The following CNTN3 variants were observed in gnomAD, a reference collection of about 807,000 sequenced individuals.
The protein encoded by CNTN3 is contactin-3.
In CNTN3, 60 loss-of-function variants were observed where a neutral mutation model predicts 119.1. That is an observed-to-expected ratio of 0.50 (90% confidence interval 0.41 to 0.62). The LOEUF is 0.62. Among genes scored for constraint, CNTN3 ranks in the 20% least tolerant of loss-of-function variants. The probability of loss-of-function intolerance (pLI) is 0.00; values close to 1 mark genes in which losing one functional copy is unlikely to be tolerated. For missense variants in CNTN3, 1,101 were observed against 1,242.4 expected (o/e 0.89, Z 1.71); for synonymous variants, 450 against 438.7 (o/e 1.03, Z -0.32).
chr3:74,444,061 A>G (rs992870879), intron 4 of CNTN3, among the ~76,000 whole-genome samples: 8 of 152,186 alleles, frequency 5.3e-5, no homozygotes, highest in African/African-American at 1.9e-4. Context: ...CTTGACTTGT[A>G]GATGCATCAC....
At chr3:74,269,401 G>A (rs1465112338) in intron 20 of CNTN3, among the ~76,000 whole-genome samples, 1 of 151,982 alleles carries the variant, frequency 6.6e-6, no homozygotes, top group African/African-American at 2.4e-5. Flanking sequence ...GGAAATTTTG[G>A]ACCAGAGAAA....
chr3:74,268,975 T>G (rs2106745929), intron 20 of CNTN3, among the ~76,000 whole-genome samples: 1 of 151,418 alleles, frequency 6.6e-6, no homozygotes, highest in East Asian at 1.9e-4. Flanking sequence ...CTGGGGTTTA[T>G]CTTGTATGAG....
chr3:74,611,861 C>T (rs1705087194), intron 1 of CNTN3, among the ~76,000 whole-genome samples: 1 of 152,130 alleles, frequency 6.6e-6, no homozygotes, highest in South Asian at 2.1e-4. Flanking sequence ...CTGGTGGTGA[C>T]AACTAAATCA....
chr3:74,287,264 G>A (rs1409179980), intron 19 of CNTN3, among the ~76,000 whole-genome samples: 1 of 152,090 alleles, frequency 6.6e-6, no homozygotes, highest in Non-Finnish European at 1.5e-5. Context: ...CAGAAACACA[G>A]TTGAGAAATA....
intron 17 of CNTN3, among the ~76,000 whole-genome samples, chr3:74,299,093 G>C (rs1169626688): frequency 6.6e-6 from 1 of 151,968 alleles, no homozygotes; most frequent in African/African-American, 2.4e-5. Flanking sequence ...TGTAATTCTA[G>C]CTATTTGGGG....
intron 1 of CNTN3, among the ~76,000 whole-genome samples, chr3:74,597,613 G>T (rs1446923580): frequency 2.6e-5 from 4 of 151,966 alleles, no homozygotes; most frequent in Non-Finnish European, 4.4e-5. Context: ...ACTGTGGACT[G>T]GGGAGTTTCT....
At chr3:74,489,372 C>T (rs1702919395) in intron 3 of CNTN3, among the ~76,000 whole-genome samples, 1 of 152,060 alleles carries the variant, frequency 6.6e-6, no homozygotes, top group South Asian at 2.1e-4. Context: ...TCATATTCAA[C>T]AACCGATTAG....
chr3:74,550,295 C>T (rs1486740347), intron 1 of CNTN3, among the ~76,000 whole-genome samples: 6 of 152,084 alleles, frequency 3.9e-5, no homozygotes, highest in African/African-American at 1.2e-4. Context: ...ACGAACTGAG[C>T]GACAGTGGCA....
rs1394316004 is a variant in CNTN3 at position 74,533,065 on chromosome 3, C to T, written c.-80-11873G>A. ...GCATTTTCTGGAGAACCATCAGGCT[C>T]GTCTTGGAGGCTCCTTATCAGTGTC... On this transcript the variant is annotated intron_variant, in intron 1 of 22. Coordinates refer to ENST00000263665, the MANE Select transcript of CNTN3 (RefSeq NM_020872.3). 6.6e-5 allele frequency among the ~76,000 whole-genome samples: 10 copies of T among 152,088 alleles called. 1 individual carries two copies. The South Asian group carries it at 1.2e-3, about 19-fold the overall frequency.
At chr3:74,359,538 G>C (rs747739077) in intron 11 of CNTN3, among the ~76,000 whole-genome samples, 6 of 151,654 alleles carry the variant, frequency 4.0e-5, no homozygotes, top group Non-Finnish European at 8.8e-5. Flanking sequence ...TTTGTGCCAC[G>C]AATCTATACT....
At chr3:74,525,815 A>C (rs899975718) in intron 1 of CNTN3, among the ~76,000 whole-genome samples, 1 of 151,862 alleles carries the variant, frequency 6.6e-6, no homozygotes, top group Non-Finnish European at 1.5e-5. Context: ...AAAATGCTCT[A>C]AATAGTTGTG....
chr3:74,364,602 T>A lies in CNTN3; in HGVS notation c.1084-6A>T, dbSNP rs759797768. 6 of 1,596,382 alleles carry A rather than the reference T, an allele frequency of 3.8e-6. No individual in the cohort carries two copies. The highest frequency in any genetic ancestry group is 1.7e-5 in the Admixed American group (1 of 59,358). ...TTTTCTATCTGTGTTCTCTCCTAGA[T>A]GATAATAAAAATATCTTTCATATAA... On this transcript the variant is annotated splice_region_variant and splice_polypyrimidine_tract_variant and intron_variant, in intron 9 of 22. Coordinates refer to ENST00000263665, the MANE Select transcript of CNTN3 (RefSeq NM_020872.3).
At chr3:74,329,801 A>G (rs516250) in intron 13 of CNTN3, among the ~76,000 whole-genome samples, 114,430 of 152,122 alleles carry the variant, frequency 0.75, 43,924 homozygotes, top group African/African-American at 0.92. Flanking sequence ...ATATAGGTAT[A>G]ATAGAACACT....
chr3:74,448,743 A>G (rs1002350578), intron 4 of CNTN3, among the ~76,000 whole-genome samples: 3 of 152,142 alleles, frequency 2.0e-5, no homozygotes, highest in African/African-American at 7.2e-5. Flanking sequence ...TTTTATGGCT[A>G]TGTTTAATAA....
intron 21 of CNTN3, 145 bp downstream of exon 21, chr3:74,267,121 C>A: frequency 8.8e-6 from 5 of 567,250 alleles, no homozygotes; most frequent in South Asian, 2.4e-5. Context: ...GAAAAATTAC[C>A]CATTTTATGG....
rs145682283 is a variant in CNTN3 at position 74,543,079 on chromosome 3, G to A, written c.-80-21887C>T. Among the ~76,000 whole-genome samples, 5 of 152,170 alleles carry A rather than the reference G, an allele frequency of 3.3e-5. No homozygotes were observed. The East Asian group carries it at 9.7e-4, about 29-fold the overall frequency. On this transcript the variant is annotated intron_variant, in intron 1 of 22. Transcript: ENST00000263665. Reference sequence around the variant, plus strand: ...TGAGTTCAAAGCTGCAGTGTGCTATGAGTGTACACCACTGCACTCCACCCT... The same window carrying A: ...TGAGTTCAAAGCTGCAGTGTGCTATAAGTGTACACCACTGCACTCCACCCT...
chr3:74,302,932 T>A (rs1702488590), intron 13 of CNTN3, 125 bp from the exon 14 acceptor site: 4 of 575,222 alleles, frequency 7.0e-6, no homozygotes, highest in Non-Finnish European at 1.2e-5. Flanking sequence ...ACCAAGGTGG[T>A]ATAAGAGAGT....
intron 5 of CNTN3, among the ~76,000 whole-genome samples, chr3:74,372,206 C>A (rs532893670): frequency 6.6e-6 from 1 of 152,186 alleles, no homozygotes; most frequent in African/African-American, 2.4e-5. Flanking sequence ...CCTGCCCTTC[C>A]CCCTCCTCCA....
intron 4 of CNTN3, among the ~76,000 whole-genome samples, chr3:74,467,162 T>C (rs1431077918): frequency 6.6e-6 from 1 of 152,116 alleles, no homozygotes; most frequent in Non-Finnish European, 1.5e-5. Context: ...TTCTTCACTT[T>C]AACACAGAAA....
Sources: gnomAD v4.1 joint callset for allele counts (sites outside exome capture counted in the v4.1 genomes callset) on GRCh38, gnomAD v4.1.1 for gene constraint, MANE v1.5 for transcripts, NCBI Gene and HGNC (gene_info 2026-07-23, HGNC 2026-07-21) for gene names.